Variants in EYA2 observed in about 807,000 individuals in gnomAD.
The protein encoded by EYA2 is protein phosphatase EYA2.
A neutral mutation model predicts 69.2 loss-of-function variants in EYA2; 31 were observed. That is an observed-to-expected ratio of 0.45 (90% confidence interval 0.34 to 0.60). EYA2 has a LOEUF of 0.60. EYA2 is among the 20% of genes least tolerant of loss of function. EYA2 has a pLI of 0.02. For synonymous variants in EYA2, 257 were observed against 279.4 expected (o/e 0.92, Z 0.80); for missense variants, 622 against 701.2 (o/e 0.89, Z 1.28).
chr20:47,028,256 T>C (rs1334206401), intron 5 of EYA2, among the ~76,000 whole-genome samples: 1 of 152,208 alleles, frequency 6.6e-6, no homozygotes, highest in Non-Finnish European at 1.5e-5. Flanking sequence ...ACTCCAGAAC[T>C]ATGAGAAATA....
rs867259614 is a variant in EYA2 at position 47,121,513 on chromosome 20, C to T, written c.889-21546C>T. ...AATTTGTATGTGTACAGCTAAAAAA[C>T]AAAATTGAAGTATCTACTTTTATGA... On this transcript the variant is annotated intron_variant, in intron 9 of 15. Coordinates refer to ENST00000327619, the MANE Select transcript of EYA2 (RefSeq NM_005244.5). Among the ~76,000 whole-genome samples, 66 of 152,280 alleles carry T rather than the reference C, an allele frequency of 4.3e-4. No individual in the cohort carries two copies. In the South Asian group the frequency reaches 4.8e-3, roughly 11 times the overall value.
Position 46,962,171 on chromosome 20 carries a change from G to A in EYA2, c.-10-27830G>A, listed in dbSNP as rs540944350. Among the ~76,000 whole-genome samples, 3 of 152,290 alleles carry A rather than the reference G, an allele frequency of 2.0e-5. No homozygotes were observed. The South Asian group carries it at 6.2e-4, about 32-fold the overall frequency. ...AGCCTCCTGAGTAGCTGGGACTATAGGCACATGCCACCACACCTGGCTAAT... is the reference window on the plus strand; with the variant it reads ...AGCCTCCTGAGTAGCTGGGACTATAAGCACATGCCACCACACCTGGCTAAT... On this transcript the variant is annotated intron_variant, in intron 1 of 15. Transcript: ENST00000327619.
Position 47,047,396 on chromosome 20 carries a change from C to CTTTTTTTTTT in EYA2, c.416-24781_416-24780insTTTTTTTTTT, listed in dbSNP as rs775373584. Among the ~76,000 whole-genome samples the CTTTTTTTTTT allele has an allele frequency of 2.6e-4, 39 of 148,206 alleles. 1 individual carries two copies. Among genetic ancestry groups the CTTTTTTTTTT allele is most frequent in the Middle Eastern group, 3.6e-3 (1 of 274 alleles). ...TGCTTTATTTTTTGTCTCTCTCTCT[C>CTTTTTTTTTT]TTTTTTTTGAGACAAAGTCTCACTC... On this transcript the variant is annotated intron_variant, in intron 5 of 15. Transcript: ENST00000327619.
chr20:47,031,074 G>A (rs933566835), intron 5 of EYA2, among the ~76,000 whole-genome samples: 16 of 152,354 alleles, frequency 1.1e-4, no homozygotes, highest in Admixed American at 1.0e-3. Context: ...GCAACACGCA[G>A]TGGGTAAGGA....
At chr20:47,051,213 T>C (rs2030312955) in intron 5 of EYA2, among the ~76,000 whole-genome samples, 1 of 152,246 alleles carries the variant, frequency 6.6e-6, no homozygotes. Context: ...CGCTTCGCCA[T>C]TGCAGTGTAT....
chr20:46,953,081 C>A (rs1408123322), intron 1 of EYA2, among the ~76,000 whole-genome samples: 1 of 152,188 alleles, frequency 6.6e-6, no homozygotes, highest in Non-Finnish European at 1.5e-5. Flanking sequence ...ATACTTTTAA[C>A]AGCATTATTC....
At chr20:47,123,729 G>A (rs1217946028) in intron 9 of EYA2, among the ~76,000 whole-genome samples, 6 of 152,162 alleles carry the variant, frequency 3.9e-5, no homozygotes, top group East Asian at 1.9e-4. Context: ...GGTGGCTCAC[G>A]CCTGTAATCC....
chr20:47,065,662 G>A (rs1005622415), intron 5 of EYA2, among the ~76,000 whole-genome samples: 4 of 152,142 alleles, frequency 2.6e-5, no homozygotes, highest in African/African-American at 9.7e-5. Flanking sequence ...CAGGCATAAA[G>A]TACTGTATTA....
At chr20:47,157,593 C>T (rs532903066) in intron 10 of EYA2, among the ~76,000 whole-genome samples, 130 of 151,896 alleles carry the variant, frequency 8.6e-4, no homozygotes, top group African/African-American at 2.9e-3. Flanking sequence ...TACTAAAATC[C>T]AGGGGAGGTT....
intron 5 of EYA2, among the ~76,000 whole-genome samples, chr20:47,041,149 G>A (rs1024312112): frequency 1.3e-5 from 2 of 152,196 alleles, no homozygotes; most frequent in Non-Finnish European, 2.9e-5. Flanking sequence ...GCCCCTGCGA[G>A]TTAGAATTCT....
intron 10 of EYA2, among the ~76,000 whole-genome samples, chr20:47,147,590 A>T (rs906750240): frequency 1.3e-5 from 2 of 152,190 alleles, no homozygotes; most frequent in African/African-American, 4.8e-5. Flanking sequence ...GTAACAGCCA[A>T]GGGTGACAAA....
At chr20:46,931,967 G>T (rs1015668309) in intron 1 of EYA2, among the ~76,000 whole-genome samples, 1 of 150,330 alleles carries the variant, frequency 6.7e-6, no homozygotes, top group African/African-American at 2.5e-5. Context: ...TCAGCGCTGT[G>T]ATCTAGTATC....
chr20:46,991,442 T>C (rs145899555), intron 2 of EYA2, among the ~76,000 whole-genome samples: 1 of 152,320 alleles, frequency 6.6e-6, no homozygotes, highest in East Asian at 1.9e-4. Flanking sequence ...ATGTAAAGTG[T>C]CTGGCACACC....
At chr20:47,179,089 G>A (rs148068135) in intron 12 of EYA2, among the ~76,000 whole-genome samples, 254 of 151,610 alleles carry the variant, frequency 1.7e-3, no homozygotes, top group African/African-American at 4.9e-3. Context: ...TTAATTCCCT[G>A]TCTCCACCAT....
chr20:47,078,335 A>G lies in EYA2; in HGVS notation c.661+4000A>G, dbSNP rs1282510089. Among the ~76,000 whole-genome samples, 22 of 90,130 alleles carry G rather than the reference A, an allele frequency of 2.4e-4. No homozygotes were observed. In the South Asian group the frequency reaches 3.6e-3, roughly 15 times the overall value. The allele number at this position is 90,130 out of a possible 152,430, so 59.1% of individuals were successfully genotyped here. A position where few individuals can be genotyped will look rare whatever the true frequency, so the allele number is the denominator to read the frequency against. ...TGTGCACGTGCGCGCGCGCGCGCACACACACACACACACACACACACACAC... is the reference window on the plus strand; with the variant it reads ...TGTGCACGTGCGCGCGCGCGCGCACGCACACACACACACACACACACACAC... On this transcript the variant is annotated intron_variant, in intron 7 of 15. Coordinates refer to ENST00000327619, the MANE Select transcript of EYA2 (RefSeq NM_005244.5).
At chr20:47,029,049 C>T (rs1423261315) in intron 5 of EYA2, among the ~76,000 whole-genome samples, 1 of 152,176 alleles carries the variant, frequency 6.6e-6, no homozygotes, top group Non-Finnish European at 1.5e-5. Flanking sequence ...AGCCAAAGCA[C>T]ATGTACAGAT....
intron 5 of EYA2, among the ~76,000 whole-genome samples, chr20:47,049,599 CT>C (rs1344519064): frequency 1.8e-5 from 1 of 55,588 alleles, no homozygotes; most frequent in African/African-American, 4.1e-5. Flanking sequence ...GTGACACCCC[CT>C]GCTCCATGTT....
At chr20:47,094,962 G>T (rs2032201973) in intron 8 of EYA2, among the ~76,000 whole-genome samples, 1 of 152,134 alleles carries the variant, frequency 6.6e-6, no homozygotes. Flanking sequence ...AGCCTGGAGA[G>T]GTCTAGGCTG....
chr20:47,027,364 C>T (rs1340776), intron 5 of EYA2, among the ~76,000 whole-genome samples: 134,819 of 152,236 alleles, frequency 0.89, 60,391 homozygotes, highest in Non-Finnish European at 0.97. Context: ...AGGCCGAGTT[C>T]CCTAATGTGA....
Sources: allele counts gnomAD v4.1 joint callset (sites outside exome capture counted in the v4.1 genomes callset), GRCh38; gene constraint gnomAD v4.1.1; transcripts MANE v1.5; gene names NCBI Gene and HGNC (gene_info 2026-07-23, HGNC 2026-07-21).